RCCD1: variants seen among roughly 807,000 people sequenced by gnomAD.
RCCD1 encodes the protein RCC1 domain containing 1.
In RCCD1, 40 loss-of-function variants were observed where a neutral mutation model predicts 37.6. That is an observed-to-expected ratio of 1.06 (90% CI 0.83 to 1.39). The LOEUF is 1.39. Ranked by LOEUF, RCCD1 falls within the 40% of genes most tolerant of loss-of-function variation. The pLI, the probability that RCCD1 is intolerant of heterozygous loss-of-function variation, is 0.00. For synonymous variants in RCCD1, 263 were observed against 230.0 expected, an observed-to-expected ratio of 1.14 and a Z score of -1.30; for missense variants, 577 against 517.3, an observed-to-expected ratio of 1.12 and a Z score of -1.12.
At position 90,961,055 on chromosome 15, in the gene RCCD1, G is replaced by T; in HGVS notation, c.979+1G>T. ...GGGGAGCTCTACACCTGGGGCTGGG[G>T]TAAGTAAAAGGATTGTTTTTGTGAC... On this transcript the variant is annotated splice_donor_variant, in intron 7 of 7. Transcript: ENST00000394258. LOFTEE classifies it high-confidence loss of function. 1 of 1,613,700 alleles carries T rather than the reference G, an allele frequency of 6.2e-7. No homozygotes were observed. Among genetic ancestry groups the T allele is most frequent in the Non-Finnish European group, 8.5e-7 (1 of 1,179,888 alleles).
chr15:90,959,435 A>G (rs1456393546), intron 4 of RCCD1, among the ~76,000 whole-genome samples: 1 of 152,224 alleles, frequency 6.6e-6, no homozygotes, highest in Non-Finnish European at 1.5e-5. Context: ...AAAGGGGCAC[A>G]GGCCGGCCCA....
intron 5 of RCCD1, 63 bp from the exon 6 acceptor site, chr15:90,960,265 C>T: frequency 2.0e-6 from 3 of 1,487,002 alleles, no homozygotes; most frequent in Admixed American, 1.9e-5. Context: ...CAATAAGTGA[C>T]TGCATGAATA....
At position 90,961,849 on chromosome 15, in the gene RCCD1, C is replaced by A; in HGVS notation, c.*80C>A. On this transcript the variant is annotated 3_prime_UTR_variant, in exon 8 of 8. Transcript: ENST00000394258. ...AAAACCATTGCCTGCACCCCAAGGG[C>A]CCCATATTTGCCCCTCCCCATCACA... 1 of 1,448,930 alleles carries A rather than the reference C, an allele frequency of 6.9e-7. No homozygotes were observed. The highest frequency in any genetic ancestry group is 9.4e-7 in the Non-Finnish European group (1 of 1,061,248). 89.8% of individuals were successfully genotyped at this position (1,448,930 alleles called of 1,614,324 possible). A position where few individuals can be genotyped will look rare whatever the true frequency, so the allele number is the denominator to read the frequency against.
At chr15:90,957,997 C>G (rs893837830) in intron 4 of RCCD1, among the ~76,000 whole-genome samples, 3 of 152,246 alleles carry the variant, frequency 2.0e-5, no homozygotes, top group African/African-American at 4.8e-5. Context: ...CCAGCCAGGA[C>G]TGTCTCTTAA....
intron 4 of RCCD1, 106 bp downstream of exon 4, chr15:90,957,831 T>C: frequency 2.8e-6 from 4 of 1,431,636 alleles, no homozygotes; most frequent in Non-Finnish European, 2.8e-6. Context: ...TCCAAATTCA[T>C]CCATCCATCG....
chr15:90,961,340 A>C, intron 7 of RCCD1: 1 of 581,628 alleles, frequency 1.7e-6, no homozygotes, highest in African/African-American at 1.9e-5. Flanking sequence ...CTTTTTGTGG[A>C]TGTGACACTG....
chr15:90,958,995 G>A lies in RCCD1; in HGVS notation c.680-905G>A, dbSNP rs193296405. The stretch of plus-strand genomic sequence containing the variant: ...AACCTTGGGCTGGAGAGACCAGAGG[G>A]CTGGAAACAGCCCAGTGGGACGCCC... On this transcript the variant is annotated intron_variant, in intron 4 of 7. Transcript: ENST00000394258. Among the ~76,000 whole-genome samples, 149 of 152,018 alleles carry A rather than the reference G, an allele frequency of 9.8e-4. 1 individual carries two copies. The highest frequency in any genetic ancestry group is 3.4e-3 in the African/African-American group (140 of 41,468).
intron 4 of RCCD1, among the ~76,000 whole-genome samples, chr15:90,958,822 C>A (rs1171542226): frequency 1.3e-5 from 2 of 151,162 alleles, no homozygotes; most frequent in African/African-American, 4.9e-5. Flanking sequence ...GTCCCAGCTA[C>A]TCGGGAGGCT....
Position 90,962,920 on chromosome 15 carries a change from G to T in RCCD1, c.*1151G>T, listed in dbSNP as rs1176895413. The stretch of plus-strand genomic sequence containing the variant: ...TGATGCTTACTCCATGCCAGGTAAG[G>T]CTCAAAGTGCTTTACAAGTATCAAC... On this transcript the variant is annotated 3_prime_UTR_variant, in exon 8 of 8. Transcript: ENST00000394258. 1 of 152,140 alleles carries T rather than the reference G, an allele frequency of 6.6e-6. No homozygotes were observed. The highest frequency in any genetic ancestry group is 1.9e-4 in the East Asian group (1 of 5,202). 9.4% of individuals were successfully genotyped at this position (152,140 alleles called of 1,614,324 possible).
At chr15:90,960,737 A>C in intron 6 of RCCD1, 1 of 614,074 alleles carries the variant, frequency 1.6e-6, no homozygotes, top group South Asian at 2.0e-5. Context: ...ACGGCCACAG[A>C]CACATTCCCT....
intron 6 of RCCD1, 98 bp downstream of exon 6, chr15:90,960,596 T>C: frequency 1.7e-6 from 2 of 1,173,730 alleles, no homozygotes; most frequent in East Asian, 2.5e-5. Context: ...CTTCTGTGGC[T>C]CATACAGAGC....
Position 90,957,367 on chromosome 15 carries a change from C to A in RCCD1, c.421C>A (p.Arg141Ser). 1 of 1,545,602 alleles carries A rather than the reference C, an allele frequency of 6.5e-7. No individual in the cohort carries two copies. Among genetic ancestry groups the A allele is most frequent in the Non-Finnish European group, 8.7e-7 (1 of 1,145,994 alleles). The change falls in exon 3 of 8, where the codon CGT becomes AGT. Residue 141 changes from arginine to serine, a missense_variant. Physicochemically the swap from Arg to Ser is moderately radical, Grantham distance 110 (BLOSUM62 -1). Transcript: ENST00000394258. ...GAGGCTACCCCTGCTGCCCTGCGCC[C>A]GTGCCTACGTGAGCCCGCGGGCGCC... Reference protein sequence around the residue: ...AGRLPLLPCARAYVSPRAPFY... With the variant: ...AGRLPLLPCASAYVSPRAPFY...
At chr15:90,955,410 A>C (rs2037155142) in intron 1 of RCCD1, 1 of 152,246 alleles carries the variant, frequency 6.6e-6, no homozygotes, top group Non-Finnish European at 1.5e-5. Context: ...GCCCACCAGA[A>C]GGACCTGCCC....
intron 3 of RCCD1, 48 bp from the exon 4 acceptor site, chr15:90,957,556 C>T (rs765209030): frequency 6.2e-7 from 1 of 1,610,982 alleles, no homozygotes. Context: ...GCAAGCGGAG[C>T]GGGACCCCTT....
At chr15:90,956,587 G>A (rs2037197844) in intron 1 of RCCD1, 25 bp from the exon 2 acceptor site, 5 of 767,820 alleles carry the variant, frequency 6.5e-6, no homozygotes, top group African/African-American at 5.4e-5. Context: ...GTGGTCGGGA[G>A]AATGATAGTT....
chr15:90,957,530 G>A, intron 3 of RCCD1, 27 bp downstream of exon 3: 1 of 1,599,266 alleles, frequency 6.3e-7, no homozygotes. Context: ...GCAGGTGAGG[G>A]CTGCTGATTG....
chr15:90,957,511 G>GGGGCGGGGGC lies in RCCD1; in HGVS notation c.557+8_557+9insGGGCGGGGGC. 6.3e-7 allele frequency: 1 copy of GGGGCGGGGGC among 1,578,024 alleles called. No individual in the cohort carries two copies. The highest frequency in any genetic ancestry group is 8.6e-7 in the Non-Finnish European group (1 of 1,164,482). ...CTCCTGGGGCGGGGGCAGGTGAGCGGAGGCGGGGGCAGGTGAGGGCTGCTG... is the reference window on the plus strand; with the variant it reads ...CTCCTGGGGCGGGGGCAGGTGAGCGGGGGCGGGGGCAGGCGGGGGCAGGTGAGGGCTGCTG... On this transcript the variant is annotated intron_variant, in intron 3 of 7. Coordinates refer to ENST00000394258, the MANE Select transcript of RCCD1 (RefSeq NM_001017919.2).
At chr15:90,960,101 C>A in intron 5 of RCCD1, 103 bp downstream of exon 5, 4 of 1,029,878 alleles carry the variant, frequency 3.9e-6, no homozygotes, top group Non-Finnish European at 5.8e-6. Context: ...TCAGATGGAG[C>A]ATGTGAGCCC....
intron 4 of RCCD1, 30 bp from the exon 5 acceptor site, chr15:90,959,869 CT>C (rs2037277863): frequency 1.3e-6 from 2 of 1,514,830 alleles, no homozygotes; most frequent in African/African-American, 1.4e-5. Flanking sequence ...GCTTCACAGT[CT>C]GTTTCATGTG....
Sources: allele counts gnomAD v4.1 joint callset (sites outside exome capture counted in the v4.1 genomes callset), GRCh38; gene constraint gnomAD v4.1.1; transcripts MANE v1.5; gene names NCBI Gene and HGNC (gene_info 2026-07-23, HGNC 2026-07-21).